UBE2J2: variants seen among roughly 807,000 people sequenced by gnomAD.
UBE2J2 encodes ubiquitin conjugating enzyme E2 J2, also known as ubiquitin-conjugating enzyme E2 J2.
UBE2J2 carries 5 observed loss-of-function variants against 28.6 expected under a neutral mutation model. That is an observed-to-expected ratio of 0.17 (90% CI 0.09 to 0.37). The LOEUF (loss-of-function observed/expected upper bound fraction) is 0.37. UBE2J2 is among the 10% of genes least tolerant of loss of function. The pLI is 1.00. For synonymous variants in UBE2J2, 138 were observed against 139.7 expected, an observed-to-expected ratio of 0.99 and a Z score of 0.09; for missense variants, 226 against 338.9, an observed-to-expected ratio of 0.67 and a Z score of 2.62.
chr1:1,271,469 G>T (rs1420989532), intron 1 of UBE2J2: 1 of 152,218 alleles, frequency 6.6e-6, no homozygotes, highest in African/African-American at 2.4e-5. Context: ...AAATAAAATA[G>T]ATTCCATCCA....
At chr1:1,262,448 G>A (rs1264817201) in intron 3 of UBE2J2, 4 of 385,722 alleles carry the variant, frequency 1.0e-5, no homozygotes, top group Admixed American at 9.3e-5. Context: ...AATGCCTTCA[G>A]GAGAGCCTTT....
chr1:1,264,617 C>G (rs773112947), intron 2 of UBE2J2, among the ~76,000 whole-genome samples: 25 of 152,256 alleles, frequency 1.6e-4, no homozygotes, highest in Non-Finnish European at 2.8e-4. Flanking sequence ...ACTAAAAATA[C>G]AAAAATTAGG....
At position 1,256,997 on chromosome 1, in the gene UBE2J2, AGTCCGAC is replaced by A; in HGVS notation, c.402_408del (p.Asp136ArgfsTer10). 6.4e-7 allele frequency: 1 copy of A among 1,553,748 alleles called. No homozygotes were observed. The highest frequency in any genetic ancestry group is 8.7e-7 in the Non-Finnish European group (1 of 1,147,890). On this transcript the variant is annotated frameshift_variant, in exon 5 of 7. Transcript: ENST00000349431. LOFTEE classifies it high-confidence loss of function. ...GGAGAGGCTCTAAAACTTACCGTGAAGTCCGACGTCTCTATACTGCCCAGGGTGGGGC... is the reference window on the plus strand; with the variant it reads ...GGAGAGGCTCTAAAACTTACCGTGAAGTCTCTATACTGCCCAGGGTGGGGC...
chr1:1,255,610 C>T lies in UBE2J2; in HGVS notation c.496-123G>A, dbSNP rs113537594. 11,359 of 1,225,090 alleles carry T rather than the reference C, an allele frequency of 9.3e-3. 84 individuals carry two copies. The highest frequency in any genetic ancestry group is 0.016 in the African/African-American group (1,036 of 66,276). 75.9% of individuals were successfully genotyped at this position (1,225,090 alleles called of 1,614,324 possible). ...CCAAGCCCTAGGCTGTGTCAAATTC[C>T]GACCCCATCTCACAGGTGAGGGCCC... On this transcript the variant is annotated intron_variant, in intron 6 of 6. Transcript: ENST00000349431.
rs1390778076 is a variant in UBE2J2 at position 1,255,478 on chromosome 1, G to C, written c.505C>G (p.Gln169Glu). Residue 169 changes from glutamine to glutamate, a missense_variant, in exon 7 of 7, where the codon CAA (glutamine) becomes GAA (glutamate). Physicochemically the swap from Gln to Glu is conservative, Grantham distance 29 (BLOSUM62 2). Around this residue, in one of 3 missense-constraint regions of UBE2J2, gnomAD observed 133 missense variants for 161.5 expected, o/e 0.82. Coordinates refer to ENST00000349431, the MANE Select transcript of UBE2J2 (RefSeq NM_058167.3). ...AGTTCGTCTTGTGCTTTCTGTTTTTGTTTAATCTCCTAAGAGAAAAACAGC... is the reference window on the plus strand; with the variant it reads ...AGTTCGTCTTGTGCTTTCTGTTTTTCTTTAATCTCCTAAGAGAAAAACAGC... ...LFPEVVEEIK[Q>E]KQKAQDELSS... 2.5e-6 allele frequency: 4 copies of C among 1,608,582 alleles called. No individual in the cohort carries two copies. In the South Asian group the frequency reaches 4.4e-5, roughly 18 times the overall value.
intron 3 of UBE2J2, chr1:1,262,494 C>G (rs1036665881): frequency 3.0e-6 from 1 of 332,680 alleles, no homozygotes; most frequent in African/African-American, 2.2e-5. Context: ...CCCGACAGTC[C>G]AAAGCAGGGG....
intron 2 of UBE2J2, among the ~76,000 whole-genome samples, chr1:1,264,304 G>C (rs575379897): frequency 2.6e-5 from 4 of 152,310 alleles, no homozygotes; most frequent in Middle Eastern, 3.4e-3. Context: ...TCTGCTTTAC[G>C]TAAAGAAGTG....
chr1:1,265,202 A>G (rs1337816793), intron 2 of UBE2J2, among the ~76,000 whole-genome samples: 2 of 152,150 alleles, frequency 1.3e-5, no homozygotes, highest in Non-Finnish European at 2.9e-5. Context: ...CGCACCCCAC[A>G]GGCCTTTTCT....
chr1:1,263,489 T>C, intron 2 of UBE2J2, 103 bp from the exon 3 acceptor site: 1 of 994,548 alleles, frequency 1.0e-6, no homozygotes, highest in Non-Finnish European at 1.6e-6. Context: ...AAAATTACAT[T>C]CACATTCAGG....
At chr1:1,259,359 C>T (rs1286432050) in intron 3 of UBE2J2, among the ~76,000 whole-genome samples, 2 of 152,082 alleles carry the variant, frequency 1.3e-5, no homozygotes, top group Non-Finnish European at 2.9e-5. Flanking sequence ...CATCAGGACA[C>T]GTGCATGCGT....
rs865847466 is a variant in UBE2J2, at chr1:1,266,174, G to A, written c.131+1688C>T. ...AGCACTCTGGTGGCCAAGGGGCTCCGCCTCACCCTGGGTATCCTCCGCCTG... is the reference window on the plus strand; with the variant it reads ...AGCACTCTGGTGGCCAAGGGGCTCCACCTCACCCTGGGTATCCTCCGCCTG... On this transcript the variant is annotated intron_variant, in intron 2 of 6. Transcript: ENST00000349431. 1.5e-5 allele frequency: 20 copies of A among 1,298,770 alleles called. No individual in the cohort carries two copies. In the Middle Eastern group the frequency reaches 8.5e-4, roughly 55 times the overall value. 80.5% of individuals were successfully genotyped at this position (1,298,770 alleles called of 1,614,324 possible). A position where few individuals can be genotyped will look rare whatever the true frequency, so the allele number is the denominator to read the frequency against.
Position 1,254,889 on chromosome 1 carries a change from G to C in UBE2J2, c.*314C>G. 2 of 263,310 alleles carry C rather than the reference G, an allele frequency of 7.6e-6. No homozygotes were observed. Among genetic ancestry groups the C allele is most frequent in the South Asian group, 2.9e-4 (2 of 6,828 alleles). The allele number at this position is 263,310 out of a possible 1,614,324, so 16.3% of individuals were successfully genotyped here. On this transcript the variant is annotated 3_prime_UTR_variant, in exon 7 of 7. Coordinates refer to ENST00000349431, the MANE Select transcript of UBE2J2 (RefSeq NM_058167.3). ...CGGCAGCAAGTTTGCATTTCTAAGT[G>C]ACCACATCTAATAAAATGAAAAACG...
intron 5 of UBE2J2, 147 bp from the exon 6 acceptor site, chr1:1,256,272 T>C (rs528917469): frequency 1.6e-4 from 96 of 597,562 alleles, no homozygotes; most frequent in Non-Finnish European, 1.3e-4. Flanking sequence ...AACTAACTTA[T>C]AGTCTTACAA....
At chr1:1,266,315 G>A in intron 2 of UBE2J2, 1 of 572,182 alleles carries the variant, frequency 1.7e-6, no homozygotes, top group Non-Finnish European at 2.6e-6. Context: ...AATTAGGCCA[G>A]GCATGGTGGC....
rs112951404 is a variant in UBE2J2 at position 1,265,564 on chromosome 1, CGTGT to C, written c.132-2182_132-2179del. Among the ~76,000 whole-genome samples the C allele has an allele frequency of 8.7e-3, 1,249 of 143,290 alleles. 10 individuals are homozygous for C. Among genetic ancestry groups the C allele is most frequent in the Middle Eastern group, 0.039 (11 of 282 alleles). 94.0% of individuals were successfully genotyped at this position (143,290 alleles called of 152,430 possible). On this transcript the variant is annotated intron_variant, in intron 2 of 6. Coordinates refer to ENST00000349431, the MANE Select transcript of UBE2J2 (RefSeq NM_058167.3). The stretch of plus-strand genomic sequence containing the variant: ...CCGCTGGCTGACTGCAGTTTTCTCT[CGTGT>C]GTGTGTGTGTGTGTGTGTGTGTGTT...
chr1:1,261,681 T>C (rs563323956), intron 3 of UBE2J2, among the ~76,000 whole-genome samples: 3 of 151,746 alleles, frequency 2.0e-5, no homozygotes, highest in Non-Finnish European at 4.4e-5. Context: ...GATGGAGTTT[T>C]GATCTTGTCA....
At chr1:1,271,350 C>G (rs973551637) in intron 1 of UBE2J2, among the ~76,000 whole-genome samples, 4 of 152,268 alleles carry the variant, frequency 2.6e-5, no homozygotes, top group Admixed American at 2.6e-4. Flanking sequence ...GAAGCTAACA[C>G]TCTGCCATAT....
rs1302402048 is a variant in UBE2J2 at position 1,255,197 on chromosome 1, T to C, written c.*6A>G. 3.9e-5 allele frequency: 61 copies of C among 1,576,800 alleles called. No homozygotes were observed. The highest frequency in any genetic ancestry group is 5.0e-5 in the Non-Finnish European group (58 of 1,156,870). On this transcript the variant is annotated 3_prime_UTR_variant, in exon 7 of 7. Coordinates refer to ENST00000349431, the MANE Select transcript of UBE2J2 (RefSeq NM_058167.3). ...CAGTGGCGCCTTGGGTCTCGGCGCC[T>C]GGGCCTCACTCCTGCGCGATGCTCC...
At chr1:1,263,174 A>T in intron 3 of UBE2J2, 172 bp downstream of exon 3, 1 of 650,554 alleles carries the variant, frequency 1.5e-6, no homozygotes, top group Non-Finnish European at 2.8e-6. Context: ...CAGAGCAAAC[A>T]CTTCCAGCGT....
Sources: gnomAD v4.1 joint callset for allele counts (sites outside exome capture counted in the v4.1 genomes callset) on GRCh38, gnomAD v4.1.1 for gene constraint, gnomAD v4.1.1 regional missense constraint, MANE v1.5 for transcripts, NCBI Gene and HGNC (gene_info 2026-07-23, HGNC 2026-07-21) for gene names.